Variants in EFNA5 observed in about 807,000 individuals in gnomAD.
The protein encoded by EFNA5 is ephrin-A5.
A neutral mutation model predicts 22.9 loss-of-function variants in EFNA5; 5 were observed. The observed-to-expected ratio is 0.22, with a 90% CI of 0.11 to 0.46. The LOEUF is 0.46. Ranked by LOEUF, EFNA5 falls within the 20% of genes least tolerant of loss-of-function variation. The probability of loss-of-function intolerance (pLI) is 0.99; values close to 1 mark genes in which losing one functional copy is unlikely to be tolerated. For missense variants in EFNA5, 237 were observed against 293.3 expected (o/e 0.81, Z 1.40); for synonymous variants, 113 against 112.2 (o/e 1.01, Z -0.04).
chr5:107,384,210 C>T (rs1035541233), intron 4 of EFNA5, among the ~76,000 whole-genome samples: 8 of 152,172 alleles, frequency 5.3e-5, no homozygotes, highest in African/African-American at 1.9e-4. Flanking sequence ...GAATTTCTAA[C>T]GCTTGTAACA....
At chr5:107,616,567 A>G (rs1290792763) in intron 1 of EFNA5, among the ~76,000 whole-genome samples, 2 of 152,150 alleles carry the variant, frequency 1.3e-5, no homozygotes, top group Non-Finnish European at 2.9e-5. Flanking sequence ...ATAATAAATA[A>G]AAAGAAAGCT....
At chr5:107,594,358 A>G (rs1437236642) in intron 1 of EFNA5, among the ~76,000 whole-genome samples, 1 of 152,134 alleles carries the variant, frequency 6.6e-6, no homozygotes, top group African/African-American at 2.4e-5. Flanking sequence ...TGCTGGTGGT[A>G]CTGAGAGGCA....
chr5:107,387,178 CG>C (rs1236534176), intron 4 of EFNA5, 56 bp downstream of exon 4: 1 of 1,260,358 alleles, frequency 7.9e-7, no homozygotes, highest in African/African-American at 1.5e-5. Flanking sequence ...GAAAAAAATA[CG>C]GAAGCACCAG....
chr5:107,613,290 T>C (rs1251669379), intron 1 of EFNA5, among the ~76,000 whole-genome samples: 1 of 152,118 alleles, frequency 6.6e-6, no homozygotes, highest in East Asian at 1.9e-4. Flanking sequence ...GCTGAGGGTA[T>C]TTTTTAATAT....
chr5:107,461,530 G>GA (rs900616619), intron 1 of EFNA5, among the ~76,000 whole-genome samples: 1 of 152,110 alleles, frequency 6.6e-6, no homozygotes, highest in Admixed American at 6.6e-5. Context: ...ATTGAGGCAA[G>GA]AGAGGACGGG....
At chr5:107,493,939 C>T (rs1746889456) in intron 1 of EFNA5, among the ~76,000 whole-genome samples, 1 of 152,226 alleles carries the variant, frequency 6.6e-6, no homozygotes, top group Non-Finnish European at 1.5e-5. Context: ...AGTGTGGAGG[C>T]TGAAACGGAA....
rs374380707 is a variant in EFNA5 at position 107,486,139 on chromosome 5, A to C, written c.126-58630T>G. Among the ~76,000 whole-genome samples, 46 of 152,344 alleles carry C rather than the reference A, an allele frequency of 3.0e-4. No individual in the cohort carries two copies. In the East Asian group the frequency reaches 8.5e-3, roughly 28 times the overall value. On this transcript the variant is annotated intron_variant, in intron 1 of 4. Coordinates refer to ENST00000333274, the MANE Select transcript of EFNA5 (RefSeq NM_001962.3). ...AATCCTTATTGATTCATTTTAACTC[A>C]AATAAAATTCCAATAATTTGATGGA...
intron 1 of EFNA5, among the ~76,000 whole-genome samples, chr5:107,430,774 C>CTT (rs869266799): frequency 0.2 from 4,075 of 19,994 alleles, 247 homozygotes; most frequent in African/African-American, 0.34. Flanking sequence ...TTCTTTCTTT[C>CTT]TTTTTTTTTT....
At chr5:107,425,255 T>A (rs1219819066) in intron 2 of EFNA5, among the ~76,000 whole-genome samples, 1 of 152,238 alleles carries the variant, frequency 6.6e-6, no homozygotes, top group Non-Finnish European at 1.5e-5. Flanking sequence ...AATTCTATAA[T>A]TTCTAATAAT....
chr5:107,434,410 A>G (rs925530166), intron 1 of EFNA5, among the ~76,000 whole-genome samples: 1 of 152,230 alleles, frequency 6.6e-6, no homozygotes, highest in African/African-American at 2.4e-5. Context: ...TTCAGGCTGC[A>G]GAGGAGCAGC....
At chr5:107,595,201 C>G (rs1023066979) in intron 1 of EFNA5, among the ~76,000 whole-genome samples, 1 of 151,572 alleles carries the variant, frequency 6.6e-6, no homozygotes, top group East Asian at 1.9e-4. Context: ...ATAAGTATAA[C>G]CTTTAGAATG....
At chr5:107,666,711 C>T (rs1561464666) in intron 1 of EFNA5, among the ~76,000 whole-genome samples, 1 of 152,056 alleles carries the variant, frequency 6.6e-6, no homozygotes, top group Non-Finnish European at 1.5e-5. Flanking sequence ...TTGACTATTG[C>T]ATCAATAATG....
At chr5:107,403,793 T>C (rs1174682011) in intron 2 of EFNA5, among the ~76,000 whole-genome samples, 2 of 152,168 alleles carry the variant, frequency 1.3e-5, no homozygotes, top group African/African-American at 2.4e-5. Context: ...GCTCCCTAAA[T>C]AGAAGTCATT....
chr5:107,562,390 G>A (rs569825546), intron 1 of EFNA5, among the ~76,000 whole-genome samples: 13 of 151,852 alleles, frequency 8.6e-5, no homozygotes, highest in African/African-American at 2.4e-4. Context: ...AGCAGATAGC[G>A]TCATTTTTAA....
intron 1 of EFNA5, among the ~76,000 whole-genome samples, chr5:107,562,069 A>G (rs1299900049): frequency 6.6e-6 from 1 of 152,214 alleles, no homozygotes; most frequent in African/African-American, 2.4e-5. Flanking sequence ...TGTGGATTCA[A>G]CTGCTGAATT....
Position 107,626,427 on chromosome 5 carries a change from C to G in EFNA5, c.125+44062G>C, listed in dbSNP as rs1174978602. Among the ~76,000 whole-genome samples the G allele has an allele frequency of 2.0e-5, 3 of 152,024 alleles. No homozygotes were observed. In the East Asian group the frequency reaches 5.8e-4, roughly 29 times the overall value. Reference sequence around the variant, plus strand: ...TAGCTAGGACTATAGGTACACACCACCACACCTGGCTAATTAATTTAAAAA... The same window carrying G: ...TAGCTAGGACTATAGGTACACACCAGCACACCTGGCTAATTAATTTAAAAA... On this transcript the variant is annotated intron_variant, in intron 1 of 4. Coordinates refer to ENST00000333274, the MANE Select transcript of EFNA5 (RefSeq NM_001962.3).
chr5:107,661,926 T>C (rs1223014541), intron 1 of EFNA5, among the ~76,000 whole-genome samples: 1 of 152,172 alleles, frequency 6.6e-6, no homozygotes, highest in Non-Finnish European at 1.5e-5. Context: ...CTGTTTCATA[T>C]AAAAATACTT....
intron 1 of EFNA5, among the ~76,000 whole-genome samples, chr5:107,469,766 A>G (rs889450352): frequency 5.3e-5 from 8 of 152,150 alleles, no homozygotes; most frequent in Non-Finnish European, 7.3e-5. Context: ...AAGGAAGTAG[A>G]CGTATAATAC....
chr5:107,497,665 T>C (rs941239994), intron 1 of EFNA5, among the ~76,000 whole-genome samples: 1 of 152,162 alleles, frequency 6.6e-6, no homozygotes. Flanking sequence ...ATAGACCACC[T>C]CTGTGGGGAC....
Sources: allele counts gnomAD v4.1 joint callset (sites outside exome capture counted in the v4.1 genomes callset), GRCh38; gene constraint gnomAD v4.1.1; transcripts MANE v1.5; gene names NCBI Gene and HGNC (gene_info 2026-07-23, HGNC 2026-07-21).